SP9: variants seen among roughly 807,000 people sequenced by gnomAD.
The protein encoded by SP9 is Sp9 transcription factor.
Under a neutral mutation model 23.0 loss-of-function variants are expected in SP9, and 5 were observed. The observed-to-expected ratio is 0.22, with a 90% CI of 0.11 to 0.46. The LOEUF (loss-of-function observed/expected upper bound fraction) is 0.46, where lower values mean the gene tolerates loss of function less well. SP9 is among the 20% of genes least tolerant of loss of function. SP9 has a pLI of 0.99. For missense variants in SP9, 542 were observed against 724.0 expected (o/e 0.75, Z 2.88); for synonymous variants, 360 against 356.5 (o/e 1.01, Z -0.11).
chr2:174,335,523 C>T (rs1684392369), intron 1 of SP9: 1 of 200,646 alleles, frequency 5.0e-6, no homozygotes, highest in African/African-American at 2.3e-5. Context: ...CCAATTCGCC[C>T]ATGACTTTGA....
intron 1 of SP9, chr2:174,335,323 G>T: frequency 1.9e-6 from 1 of 534,942 alleles, no homozygotes; most frequent in Non-Finnish European, 3.4e-6. Context: ...TCTTAATCAA[G>T]TCCTTTTTCA....
At position 174,336,126 on chromosome 2, in the gene SP9, C is replaced by T. The variant is rs751022144; in HGVS notation, c.41C>T (p.Thr14Met). The T allele has an allele frequency of 1.2e-5, 18 of 1,550,308 alleles. No homozygotes were observed. Among genetic ancestry groups the T allele is most frequent in the Non-Finnish European group, 1.6e-5 (18 of 1,146,234 alleles). Reference protein sequence around the residue: ...SILGEEPRFGTTPLAMLAATC... With the variant: ...SILGEEPRFGMTPLAMLAATC... The stretch of plus-strand genomic sequence containing the variant: ...CTCTAGGAAGAGCCGCGCTTCGGAA[C>T]GACCCCGTTGGCCATGCTGGCGGCG... Residue 14 changes from threonine to methionine, a missense_variant, in exon 2 of 2, where the codon ACG becomes ATG. Physicochemically the swap from Thr to Met is moderately conservative, Grantham distance 81. This residue lies in a region of SP9 where 201 missense variants were observed against 226.3 expected (regional missense o/e 0.89). Coordinates refer to ENST00000394967, the MANE Select transcript of SP9 (RefSeq NM_001145250.2).
chr2:174,336,244 C>G lies in SP9; in HGVS notation c.159C>G (p.Ser53=). The change falls in exon 2 of 2, where the codon TCC becomes TCG. Residue 53 remains serine (S), a synonymous_variant. Transcript: ENST00000394967. Reference sequence around the variant, plus strand: ...GCGGCTTTCACCCCTGGAAGCGCTCCTCGTCCAGCTGCAACCTCGGCTCCA... The same window carrying G: ...GCGGCTTTCACCCCTGGAAGCGCTCGTCGTCCAGCTGCAACCTCGGCTCCA... ...AKGGFHPWKR[S]SSSCNLGSSL... 1 of 1,547,060 alleles carries G rather than the reference C, an allele frequency of 6.5e-7. No individual in the cohort carries two copies. The highest frequency in any genetic ancestry group is 8.7e-7 in the Non-Finnish European group (1 of 1,145,382).
chr2:174,335,972 G>A (rs546187432), intron 1 of SP9, 135 bp from the exon 2 acceptor site: 6 of 796,978 alleles, frequency 7.5e-6, no homozygotes, highest in East Asian at 6.1e-5. Flanking sequence ...GTGGGGAGGA[G>A]GCGCGAGGCG....
In SP9 at chr2:174,334,967, G is replaced by A. The variant is rs968762304; in HGVS notation, c.-126G>A. ...CGCACTTAGGCTGAGTTTAGCCGGC[G>A]GGAGCCTGGAGTCCGCTCGGCACGA... On this transcript the variant is annotated 5_prime_UTR_variant, in exon 1 of 2. Coordinates refer to ENST00000394967, the MANE Select transcript of SP9 (RefSeq NM_001145250.2). 2.7e-6 allele frequency: 3 copies of A among 1,113,910 alleles called. No individual in the cohort carries two copies. Among genetic ancestry groups the A allele is most frequent in the African/African-American group, 3.1e-5 (2 of 63,578 alleles). The allele number at this position is 1,113,910 out of a possible 1,614,324, so 69.0% of individuals were successfully genotyped here.
Position 174,336,887 on chromosome 2 carries a change from T to C in SP9, c.802T>C (p.Ser268Pro). 1 of 1,491,346 alleles carries C rather than the reference T, an allele frequency of 6.7e-7. No homozygotes were observed. Among genetic ancestry groups the C allele is most frequent in the Non-Finnish European group, 8.9e-7 (1 of 1,124,798 alleles). 92.4% of individuals were successfully genotyped at this position (1,491,346 alleles called of 1,614,324 possible). A position where few individuals can be genotyped will look rare whatever the true frequency, so the allele number is the denominator to read the frequency against. The change falls in exon 2 of 2, where the codon TCG (serine) becomes CCG (proline). Residue 268 changes from serine (S) to proline (P), a missense_variant. Physicochemically the swap from Ser to Pro is moderately conservative, Grantham distance 74. Around this residue, in one of 8 missense-constraint regions of SP9, gnomAD observed 144 missense variants for 158.7 expected, o/e 0.91. Transcript: ENST00000394967. ...CTTCAAGCCGGTGTTGCCCTCCTAT[T>C]CGGACTCCAGCGCCGCCGTGGCAGC... ...DGFKPVLPSY[S>P]DSSAAVAAAA...
rs924534487 is a variant in SP9, at chr2:174,337,729, C to T, written c.*189C>T. On this transcript the variant is annotated 3_prime_UTR_variant, in exon 2 of 2. Coordinates refer to ENST00000394967, the MANE Select transcript of SP9 (RefSeq NM_001145250.2). Reference sequence around the variant, plus strand: ...GTTCGCCCGCTGTGCGAGGAGCTCCCCTCTGCCTTCCGCGCCCGGATAAGA... The same window carrying T: ...GTTCGCCCGCTGTGCGAGGAGCTCCTCTCTGCCTTCCGCGCCCGGATAAGA... 1.2e-5 allele frequency: 8 copies of T among 642,172 alleles called. No individual in the cohort carries two copies. The highest frequency in any genetic ancestry group is 1.4e-5 in the Non-Finnish European group (7 of 503,002). The allele number at this position is 642,172 out of a possible 1,614,324, so 39.8% of individuals were successfully genotyped here.
chr2:174,335,964 G>A, intron 1 of SP9, 143 bp from the exon 2 acceptor site: 2 of 744,686 alleles, frequency 2.7e-6, no homozygotes, highest in South Asian at 1.9e-5. Context: ...GCGGGCGCGT[G>A]GGGAGGAGGC....
rs887983684 is a variant in SP9 at position 174,338,106 on chromosome 2, C to T, written c.*566C>T. 6.6e-6 allele frequency: 1 copy of T among 152,192 alleles called. No individual in the cohort carries two copies. The highest frequency in any genetic ancestry group is 1.5e-5 in the Non-Finnish European group (1 of 68,038). The allele number at this position is 152,192 out of a possible 1,614,324, so 9.4% of individuals were successfully genotyped here. ...AAATGCTCCAAGTCCTGCCTGATAT[C>T]TACTTACAATGAGACTTTTTTCCTA... On this transcript the variant is annotated 3_prime_UTR_variant, in exon 2 of 2. Coordinates refer to ENST00000394967, the MANE Select transcript of SP9 (RefSeq NM_001145250.2).
At position 174,335,819 on chromosome 2, in the gene SP9, C is replaced by A. The variant is rs961277588; in HGVS notation, c.22-288C>A. 3 of 420,062 alleles carry A rather than the reference C, an allele frequency of 7.1e-6. No individual in the cohort carries two copies. The Admixed American group carries it at 1.3e-4, about 18-fold the overall frequency. 26.0% of individuals were successfully genotyped at this position (420,062 alleles called of 1,614,324 possible). ...CCGGTTTACGGCGACAACCCAAGTCCGGTTGTAGGCAGGGTTGCAGCGGGG... is the reference window on the plus strand; with the variant it reads ...CCGGTTTACGGCGACAACCCAAGTCAGGTTGTAGGCAGGGTTGCAGCGGGG... On this transcript the variant is annotated intron_variant, in intron 1 of 1. Coordinates refer to ENST00000394967, the MANE Select transcript of SP9 (RefSeq NM_001145250.2).
At position 174,335,007 on chromosome 2, in the gene SP9, G is replaced by C; in HGVS notation, c.-86G>C. 2.7e-6 allele frequency: 4 copies of C among 1,475,042 alleles called. No homozygotes were observed. Among genetic ancestry groups the C allele is most frequent in the Non-Finnish European group, 3.7e-6 (4 of 1,081,162 alleles). 91.4% of individuals were successfully genotyped at this position (1,475,042 alleles called of 1,614,324 possible). A position where few individuals can be genotyped will look rare whatever the true frequency, so the allele number is the denominator to read the frequency against. ...GCTCGGCACGAGCGCGGGGACGCGG[G>C]AGCCGCGCGGGACCCAAGCAGTTTT... is the stretch of plus-strand genomic sequence containing the variant. On this transcript the variant is annotated 5_prime_UTR_variant, in exon 1 of 2. Coordinates refer to ENST00000394967, the MANE Select transcript of SP9 (RefSeq NM_001145250.2).
chr2:174,336,853 C>T lies in SP9; in HGVS notation c.768C>T (p.Ala256=). ...HLLSTSQHLL[A]QDGFKPVLPS... ...TCTCCACCAGCCAGCACCTGCTGGC[C>T]CAGGACGGCTTCAAGCCGGTGTTGC... The change falls in exon 2 of 2, where the codon GCC becomes GCT. Residue 256 remains alanine (A), a synonymous_variant. Transcript: ENST00000394967. The T allele has an allele frequency of 6.6e-7, 1 of 1,523,410 alleles. No individual in the cohort carries two copies. The highest frequency in any genetic ancestry group is 8.8e-7 in the Non-Finnish European group (1 of 1,141,628). The allele number at this position is 1,523,410 out of a possible 1,614,324, so 94.4% of individuals were successfully genotyped here.
chr2:174,335,313 TCTTA>T (rs1015321574), intron 1 of SP9, 200 bp downstream of exon 1: 1 of 557,132 alleles, frequency 1.8e-6, no homozygotes, highest in Non-Finnish European at 3.3e-6. Context: ...GAAAAGGCCT[TCTTA>T]ATCAAGTCCT....
Position 174,337,154 on chromosome 2 carries a change from A to G in SP9, c.1069A>G (p.Thr357Ala). The change falls in exon 2 of 2, where the codon ACG (threonine) becomes GCG (alanine). Residue 357 changes from threonine to alanine, a missense_variant. Physicochemically the swap from Thr to Ala is moderately conservative, Grantham distance 58. Coordinates refer to ENST00000394967, the MANE Select transcript of SP9 (RefSeq NM_001145250.2). ...SHLKAHLRWH[T>A]GERPFVCNWL... The stretch of plus-strand genomic sequence containing the variant: ...CCTGAAGGCGCACCTGCGCTGGCAC[A>G]CGGGCGAGCGGCCCTTCGTGTGCAA... The G allele has an allele frequency of 1.2e-6, 2 of 1,607,586 alleles. No individual in the cohort carries two copies. The highest frequency in any genetic ancestry group is 1.7e-6 in the Non-Finnish European group (2 of 1,177,662).
Position 174,337,366 on chromosome 2 carries a change from C to T in SP9, c.1281C>T (p.Asp427=). The change falls in exon 2 of 2, where the codon GAC becomes GAT. Residue 427 remains aspartate, a synonymous_variant. Coordinates refer to ENST00000394967, the MANE Select transcript of SP9 (RefSeq NM_001145250.2). ...GGGGCAAAAAGGGCAGCGACAGTGA[C>T]ACGGACGCCAGCAACCTGGAGACGC... ...GGGGKKGSDS[D]TDASNLETPR... The T allele has an allele frequency of 6.5e-7, 1 of 1,550,024 alleles. No homozygotes were observed. Among genetic ancestry groups the T allele is most frequent in the Non-Finnish European group, 8.7e-7 (1 of 1,146,646 alleles).
chr2:174,336,508 A>T lies in SP9; in HGVS notation c.423A>T (p.Ala141=), dbSNP rs1684415595. The change falls in exon 2 of 2, where the codon GCA becomes GCT. Residue 141 remains alanine, a synonymous_variant. Coordinates refer to ENST00000394967, the MANE Select transcript of SP9 (RefSeq NM_001145250.2). The stretch of plus-strand genomic sequence containing the variant: ...TCATTTCCAAGGTGCACACGACGGC[A>T]GCCGACGGGCTGTACCCGCGCGTGG... The part of the protein sequence containing the change: ...SAFISKVHTT[A]ADGLYPRVGM... 6.8e-7 allele frequency: 1 copy of T among 1,468,936 alleles called. No homozygotes were observed. The highest frequency in any genetic ancestry group is 9.0e-7 in the Non-Finnish European group (1 of 1,113,692). 91.0% of individuals were successfully genotyped at this position (1,468,936 alleles called of 1,614,324 possible). A position where few individuals can be genotyped will look rare whatever the true frequency, so the allele number is the denominator to read the frequency against.
rs746223726 is a variant in SP9, at chr2:174,337,471, A to AGCGGCG, written c.1404_1409dup (p.Ala469_Ala470dup). 221 of 1,200,576 alleles carry AGCGGCG rather than the reference A, an allele frequency of 1.8e-4. No individual in the cohort carries two copies. Among genetic ancestry groups the AGCGGCG allele is most frequent in the South Asian group, 5.0e-4 (14 of 28,276 alleles). The allele number at this position is 1,200,576 out of a possible 1,614,324, so 74.4% of individuals were successfully genotyped here. A position where few individuals can be genotyped will look rare whatever the true frequency, so the allele number is the denominator to read the frequency against. On this transcript the variant is annotated inframe_insertion, in exon 2 of 2. Transcript: ENST00000394967. ...GGGCGGCGGCAGCGGCGGCGGCGGC[A>AGCGGCG]GCGGCGGCGGCGGCGGCGGCGGCCT...
chr2:174,337,316 A>C lies in SP9; in HGVS notation c.1231A>C (p.Ile411Leu). 1 of 1,552,442 alleles carries C rather than the reference A, an allele frequency of 6.4e-7. No homozygotes were observed. The highest frequency in any genetic ancestry group is 2.4e-5 in the East Asian group (1 of 40,980). The change falls in exon 2 of 2, where the codon ATT becomes CTT. Residue 411 changes from isoleucine (I) to leucine (L), a missense_variant. By Grantham distance (5) the Ile-to-Leu change is conservative. Coordinates refer to ENST00000394967, the MANE Select transcript of SP9 (RefSeq NM_001145250.2). ...FMRSDHLSKH[I>L]KTHNGGGGGK... The stretch of plus-strand genomic sequence containing the variant: ...GCGCAGCGACCACCTGAGCAAACAC[A>C]TTAAGACGCACAACGGGGGCGGCGG...
rs1326877495 is a variant in SP9 at position 174,337,401 on chromosome 2, A to G, written c.1316A>G (p.Glu439Gly). 1 of 1,548,146 alleles carries G rather than the reference A, an allele frequency of 6.5e-7. No individual in the cohort carries two copies. Among genetic ancestry groups the G allele is most frequent in the Non-Finnish European group, 8.7e-7 (1 of 1,146,102 alleles). Reference protein sequence around the residue: ...DASNLETPRSESPDLILHDSG... With the variant: ...DASNLETPRSGSPDLILHDSG... Reference sequence around the variant, plus strand: ...AGCAACCTGGAGACGCCCCGTTCCGAATCCCCCGACCTCATCCTGCATGAC... The same window carrying G: ...AGCAACCTGGAGACGCCCCGTTCCGGATCCCCCGACCTCATCCTGCATGAC... Residue 439 changes from glutamate to glycine, a missense_variant, in exon 2 of 2, where the codon GAA (glutamate) becomes GGA (glycine). Physicochemically the swap from Glu to Gly is moderately conservative, Grantham distance 98 (BLOSUM62 -2). Around this residue, in one of 8 missense-constraint regions of SP9, gnomAD observed 35 missense variants for 67.2 expected, o/e 0.52. Transcript: ENST00000394967.
Sources: allele counts gnomAD v4.1 joint callset, GRCh38; gene constraint gnomAD v4.1.1; regional missense constraint gnomAD v4.1.1; transcripts MANE v1.5; gene names NCBI Gene and HGNC (gene_info 2026-07-23, HGNC 2026-07-21).